Variants in VPS26C observed in about 807,000 individuals in gnomAD.
VPS26C encodes the protein vacuolar protein sorting-associated protein 26C.
Under a neutral mutation model 30.6 loss-of-function variants are expected in VPS26C, and 19 were observed. The observed-to-expected ratio is 0.62, with a 90% CI of 0.43 to 0.91. The LOEUF (loss-of-function observed/expected upper bound fraction) is 0.91. Ranked by LOEUF, VPS26C falls within the 40% of genes least tolerant of loss-of-function variation. The pLI, the probability that VPS26C is intolerant of heterozygous loss-of-function variation, is 0.00. For missense variants in VPS26C, 318 were observed against 385.1 expected (o/e 0.83, Z 1.46); for synonymous variants, 132 against 151.5 (o/e 0.87, Z 0.95).
At chr21:37,237,032 T>C (rs1001054396) in intron 3 of VPS26C, among the ~76,000 whole-genome samples, 4 of 152,196 alleles carry the variant, frequency 2.6e-5, no homozygotes, top group African/African-American at 7.2e-5. Context: ...CCTCCTGCCA[T>C]GGCCTCCCAA....
At chr21:37,265,902 C>G (rs1169162104) in intron 1 of VPS26C, among the ~76,000 whole-genome samples, 2 of 137,994 alleles carry the variant, frequency 1.4e-5, no homozygotes, top group African/African-American at 5.4e-5. Context: ...ATAAAGGTAG[C>G]TTTTTCTCTT....
At chr21:37,267,652 CCCGCGTGCCCCGCGG>C, upstream of VPS26C, 1 of 295,474 alleles carries the variant, frequency 3.4e-6, no homozygotes, top group South Asian at 4.4e-5. Context: ...AACGGCTCTC[CCCGCGTGCCCCGCGG>C]CTGGAGGCGG....
In VPS26C at chr21:37,233,451, G is replaced by T; in HGVS notation, c.352-9C>A. On this transcript the variant is annotated splice_polypyrimidine_tract_variant and intron_variant, in intron 3 of 7. Coordinates refer to ENST00000309117, the MANE Select transcript of VPS26C (RefSeq NM_006052.2). The surrounding 1 kb of genome is among the most constrained non-coding windows in gnomAD (Gnocchi z 5.2). ...TCACAGCGCAGTGTATACTAAAGGGGAGAGTTGGAGGAAAAAAGTTCATTT... is the reference window on the plus strand; with the variant it reads ...TCACAGCGCAGTGTATACTAAAGGGTAGAGTTGGAGGAAAAAAGTTCATTT... The T allele has an allele frequency of 6.2e-7, 1 of 1,609,960 alleles. No homozygotes were observed. Among genetic ancestry groups the T allele is most frequent in the Non-Finnish European group, 8.5e-7 (1 of 1,176,524 alleles).
rs2085875066 is a variant in VPS26C, at chr21:37,224,102, T to TAAG, written c.*1441_*1442insCTT. ...ACCAAATTCATCAAGTCAAGGACCT[T>TAAG]TTCCTGCTACCACCTTGCGGAGAGG... is the stretch of plus-strand genomic sequence containing the variant. On this transcript the variant is annotated 3_prime_UTR_variant, in exon 8 of 8. Coordinates refer to ENST00000309117, the MANE Select transcript of VPS26C (RefSeq NM_006052.2). The TAAG allele has an allele frequency of 6.6e-6, 1 of 152,234 alleles. No individual in the cohort carries two copies. Among genetic ancestry groups the TAAG allele is most frequent in the Non-Finnish European group, 1.5e-5 (1 of 68,056 alleles). The allele number at this position is 152,234 out of a possible 1,614,324, so 9.4% of individuals were successfully genotyped here. A position where few individuals can be genotyped will look rare whatever the true frequency, so the allele number is the denominator to read the frequency against.
At chr21:37,238,438 C>T (rs778560708) in intron 3 of VPS26C, 22 bp downstream of exon 3, 13 of 1,608,294 alleles carry the variant, frequency 8.1e-6, no homozygotes, top group Non-Finnish European at 9.4e-6. Context: ...AAGTCAGTCG[C>T]GTAGGACTAG....
intron 1 of VPS26C, among the ~76,000 whole-genome samples, chr21:37,251,355 T>C (rs775789139): frequency 4.3e-4 from 66 of 152,212 alleles, no homozygotes; most frequent in Non-Finnish European, 7.9e-4. Flanking sequence ...GTGGAGATCA[T>C]TTACACTAGT....
intron 2 of VPS26C, among the ~76,000 whole-genome samples, chr21:37,239,052 C>T (rs76343080): frequency 0.021 from 3,136 of 152,230 alleles, 83 homozygotes; most frequent in African/African-American, 0.06. Flanking sequence ...CCAGCTTCCT[C>T]GGAGCCTTCC....
chr21:37,260,278 T>C (rs570547168), intron 1 of VPS26C, among the ~76,000 whole-genome samples: 27 of 152,190 alleles, frequency 1.8e-4, no homozygotes, highest in African/African-American at 6.3e-4. Context: ...ACAGTATTAG[T>C]TAGGTGTTTC....
chr21:37,261,050 G>A (rs2086298740), intron 1 of VPS26C: 1 of 152,120 alleles, frequency 6.6e-6, no homozygotes, highest in South Asian at 2.1e-4. Flanking sequence ...CCTATTAAGT[G>A]GTGAGTACTG....
At chr21:37,256,436 A>C (rs1370530270) in intron 1 of VPS26C, among the ~76,000 whole-genome samples, 3 of 152,246 alleles carry the variant, frequency 2.0e-5, no homozygotes, top group Non-Finnish European at 2.9e-5. Flanking sequence ...TATTATTAAA[A>C]TTGACATTAG....
intron 7 of VPS26C, 70 bp from the exon 8 acceptor site, chr21:37,225,696 T>C: frequency 7.5e-7 from 1 of 1,335,638 alleles, no homozygotes; most frequent in Non-Finnish European, 1.1e-6. Flanking sequence ...CCGCCACCAC[T>C]GCAGTCGCAG....
intron 6 of VPS26C, among the ~76,000 whole-genome samples, 175 bp from the exon 7 acceptor site, chr21:37,227,981 C>T (rs777244006): frequency 5.3e-5 from 8 of 152,206 alleles, no homozygotes; most frequent in Non-Finnish European, 1.0e-4. Flanking sequence ...TTTGCTTCCC[C>T]GACGTCCTCT....
intron 2 of VPS26C, among the ~76,000 whole-genome samples, chr21:37,239,530 A>C (rs2086062478): frequency 6.6e-6 from 1 of 152,190 alleles, no homozygotes. Flanking sequence ...GACACAGCTA[A>C]TAAAATGACA....
At chr21:37,240,403 GCCTGAGCCACTGCGCCTGGC>G (rs764537531) in intron 2 of VPS26C, 73 bp downstream of exon 2, 196 of 1,431,042 alleles carry the variant, frequency 1.4e-4, no homozygotes, top group Middle Eastern at 3.6e-4. Flanking sequence ...GAGATTACAG[GCCTGAGCCACTGCGCCTGGC>G]CCTGAGCCAC....
At chr21:37,266,682 T>A (rs907317321) in intron 1 of VPS26C, 5 of 153,236 alleles carry the variant, frequency 3.3e-5, no homozygotes, top group African/African-American at 1.2e-4. Context: ...TTAATAGCCA[T>A]TCCTTTGTGT....
At chr21:37,258,852 T>G (rs1337136687) in intron 1 of VPS26C, among the ~76,000 whole-genome samples, 2 of 152,182 alleles carry the variant, frequency 1.3e-5, no homozygotes, top group Non-Finnish European at 2.9e-5. Context: ...GGTACAAGAT[T>G]TGCAGCAACA....
At chr21:37,259,280 G>T (rs935152696) in intron 1 of VPS26C, among the ~76,000 whole-genome samples, 6 of 146,582 alleles carry the variant, frequency 4.1e-5, no homozygotes, top group African/African-American at 1.2e-4. Flanking sequence ...TTATGTATAG[G>T]GTTTCTCCTT....
chr21:37,262,699 G>A (rs1472850054), intron 1 of VPS26C, among the ~76,000 whole-genome samples: 3 of 152,142 alleles, frequency 2.0e-5, no homozygotes, highest in South Asian at 2.1e-4. Context: ...TACGTCCAAG[G>A]GCAGAACAGG....
At position 37,233,656 on chromosome 21, in the gene VPS26C, G is replaced by A. The variant is rs2085990220; in HGVS notation, c.352-214C>T. On this transcript the variant is annotated intron_variant, in intron 3 of 7. Coordinates refer to ENST00000309117, the MANE Select transcript of VPS26C (RefSeq NM_006052.2). This position sits in a 1 kb window ranked among gnomAD's most constrained non-coding sequence, Gnocchi z 5.2. ...TGTTTTAAAAATGAACCACTTTAAG[G>A]TTATTCTTCAATCTGTTTGCACAGC... Among the ~76,000 whole-genome samples the A allele has an allele frequency of 6.6e-6, 1 of 152,180 alleles. No homozygotes were observed.
Sources: allele counts gnomAD v4.1 joint callset (sites outside exome capture counted in the v4.1 genomes callset), GRCh38; gene constraint gnomAD v4.1.1; non-coding constraint Gnocchi (gnomAD v3.1); transcripts MANE v1.5; gene names NCBI Gene and HGNC (gene_info 2026-07-23, HGNC 2026-07-21).